POU2AF2: variants seen among roughly 807,000 people sequenced by gnomAD.
POU2AF2 encodes POU class 2 homeobox associating factor 2.
At chr11:111,269,363 T>G in the POU2AF2 span, among the ~76,000 whole-genome samples, 3 of 152,186 alleles carry the variant, frequency 2.0e-5, no homozygotes, top group South Asian at 6.2e-4. Flanking sequence ...CCCACTGTCC[T>G]GCCCTGTTTA....
the POU2AF2 span, among the ~76,000 whole-genome samples, chr11:111,272,291 C>A: frequency 1.3e-5 from 2 of 152,152 alleles, no homozygotes; most frequent in Non-Finnish European, 2.9e-5. Context: ...AAACTTCATC[C>A]CTGCCCCCAC....
At chr11:111,282,971 T>C in the POU2AF2 span, among the ~76,000 whole-genome samples, 4 of 151,176 alleles carry the variant, frequency 2.6e-5, no homozygotes, top group Non-Finnish European at 5.9e-5. Context: ...CCTTTTTCCT[T>C]GGAAACCATT....
At chr11:111,249,237 C>T in the POU2AF2 span, among the ~76,000 whole-genome samples, 3 of 152,052 alleles carry the variant, frequency 2.0e-5, no homozygotes, top group Admixed American at 2.0e-4. Flanking sequence ...TTTAAATAGA[C>T]ACAATGCACA....
At chr11:111,285,491 T>C in the POU2AF2 span, among the ~76,000 whole-genome samples, 2 of 152,210 alleles carry the variant, frequency 1.3e-5, no homozygotes. Flanking sequence ...AAACTTTCAC[T>C]GCTGGTGTCA....
chr11:111,271,841 C>T, the POU2AF2 span, among the ~76,000 whole-genome samples: 1 of 151,862 alleles, frequency 6.6e-6, no homozygotes, highest in Non-Finnish European at 1.5e-5. Context: ...GGTGAAACCC[C>T]GTCTCTACTA....
chr11:111,285,017 C>G, the POU2AF2 span, among the ~76,000 whole-genome samples: 1 of 152,186 alleles, frequency 6.6e-6, no homozygotes, highest in South Asian at 2.1e-4. Flanking sequence ...TAAGTATACT[C>G]TATGCCAGGA....
chr11:111,276,113 A>AT, the POU2AF2 span, among the ~76,000 whole-genome samples: 6 of 152,020 alleles, frequency 3.9e-5, no homozygotes, highest in African/African-American at 1.4e-4. Context: ...GATGGCTGAC[A>AT]TTTTTTCAGA....
At chr11:111,259,497 G>T in the POU2AF2 span, among the ~76,000 whole-genome samples, 1 of 151,890 alleles carries the variant, frequency 6.6e-6, no homozygotes, top group African/African-American at 2.4e-5. Context: ...TGTATTTTTA[G>T]TAGAGACGGG....
the POU2AF2 span, among the ~76,000 whole-genome samples, chr11:111,254,176 A>G: frequency 3.3e-5 from 5 of 152,208 alleles, no homozygotes; most frequent in African/African-American, 9.7e-5. Context: ...AGCATCACAC[A>G]CAATTCTAGA....
chr11:111,284,394 C>T, the POU2AF2 span: 2 of 1,575,988 alleles, frequency 1.3e-6, no homozygotes, highest in Non-Finnish European at 1.7e-6. Context: ...ATGCAGAGAC[C>T]TCGTGTGAGG....
the POU2AF2 span, among the ~76,000 whole-genome samples, chr11:111,247,191 CAGAGAGAGAGAG>C: frequency 1.4e-5 from 2 of 144,762 alleles, no homozygotes; most frequent in African/African-American, 2.6e-5. Context: ...TACACACACA[CAGAGAGAGAGAG>C]AGAGAGAGAG....
chr11:111,268,487 A>AT, the POU2AF2 span, among the ~76,000 whole-genome samples: 1 of 23,960 alleles, frequency 4.2e-5, no homozygotes, highest in African/African-American at 1.2e-4. Flanking sequence ...TTTTTATTTT[A>AT]TTTTATTTTA....
At chr11:111,263,965 CA>C in the POU2AF2 span, among the ~76,000 whole-genome samples, 1 of 152,188 alleles carries the variant, frequency 6.6e-6, no homozygotes, top group Non-Finnish European at 1.5e-5. Context: ...CAATCAATGC[CA>C]TTGCTATTAA....
the POU2AF2 span, among the ~76,000 whole-genome samples, chr11:111,261,399 C>T: frequency 2.0e-5 from 3 of 152,024 alleles, no homozygotes; most frequent in South Asian, 2.1e-4. Flanking sequence ...AATTCAATAA[C>T]CTCTTTATTA....
At chr11:111,276,064 G>A in the POU2AF2 span, among the ~76,000 whole-genome samples, 1 of 152,056 alleles carries the variant, frequency 6.6e-6, no homozygotes, top group African/African-American at 2.4e-5. Context: ...CAGGAGGAGA[G>A]AACAGTCATA....
At chr11:111,250,338 C>A in the POU2AF2 span, among the ~76,000 whole-genome samples, 1 of 152,136 alleles carries the variant, frequency 6.6e-6, no homozygotes, top group Non-Finnish European at 1.5e-5. Flanking sequence ...GACTGAACTT[C>A]CAAAAAATAT....
the POU2AF2 span, among the ~76,000 whole-genome samples, chr11:111,274,708 T>C: frequency 1.3e-5 from 2 of 151,234 alleles, no homozygotes; most frequent in African/African-American, 4.9e-5. Flanking sequence ...AAATGATCTC[T>C]CTGGATGTCC....
At chr11:111,270,710 G>C in the POU2AF2 span, among the ~76,000 whole-genome samples, 1 of 152,096 alleles carries the variant, frequency 6.6e-6, no homozygotes, top group Non-Finnish European at 1.5e-5. Context: ...CAGTAAGGTT[G>C]GTGATAACAA....
the POU2AF2 span, chr11:111,255,892 C>T: frequency 7.5e-5 from 30 of 397,772 alleles, 1 homozygote; most frequent in African/African-American, 6.0e-4. Flanking sequence ...AAGAAAATGA[C>T]ATCACAATGA....
Sources: allele counts gnomAD v4.1 joint callset (sites outside exome capture counted in the v4.1 genomes callset), GRCh38; gene constraint gnomAD v4.1.1; transcripts MANE v1.5; gene names NCBI Gene and HGNC (gene_info 2026-07-23, HGNC 2026-07-21).